Variants in GABRR3 observed in about 807,000 individuals in gnomAD.
GABRR3 encodes the protein gamma-aminobutyric acid receptor subunit rho-3.
GABRR3 carries 29 observed loss-of-function variants against 43.2 expected under a neutral mutation model. The ratio of observed to expected loss-of-function variants is 0.67; its 90% CI spans 0.50 to 0.92. The LOEUF is 0.92. Among genes scored for constraint, GABRR3 ranks in the 40% least tolerant of loss-of-function variants. The pLI is 0.00. For missense variants in GABRR3, 576 were observed against 572.3 expected, an observed-to-expected ratio of 1.01 and a Z score of -0.07; for synonymous variants, 206 against 195.9, an observed-to-expected ratio of 1.05 and a Z score of -0.43.
intron 7 of GABRR3, 65 bp downstream of exon 7, chr3:98,007,699 G>A: frequency 6.4e-7 from 1 of 1,565,810 alleles, no homozygotes; most frequent in Non-Finnish European, 8.8e-7. Context: ...TTCGCATGTT[G>A]TGGTGCTTTG....
chr3:98,003,416 C>CTTT (rs35589224), intron 7 of GABRR3, among the ~76,000 whole-genome samples: 14 of 133,520 alleles, frequency 1.0e-4, no homozygotes, highest in South Asian at 4.8e-4. Flanking sequence ...AACAGTTGTC[C>CTTT]TTTTTTTTTT....
intron 2 of GABRR3, among the ~76,000 whole-genome samples, chr3:98,027,130 G>A (rs1707026940): frequency 6.6e-6 from 1 of 152,096 alleles, no homozygotes; most frequent in African/African-American, 2.4e-5. Context: ...GAGCTAGAAT[G>A]AACTATTTAT....
intron 3 of GABRR3, among the ~76,000 whole-genome samples, chr3:98,020,875 T>C (rs1274845245): frequency 3.0e-4 from 45 of 147,730 alleles, no homozygotes; most frequent in African/African-American, 1.0e-3. Context: ...TTTTTCTTTT[T>C]TTTTTTTTTT....
intron 2 of GABRR3, among the ~76,000 whole-genome samples, chr3:98,028,981 A>G (rs1440294949): frequency 1.3e-5 from 2 of 152,124 alleles, no homozygotes. Context: ...TTCTATACAC[A>G]TACCACTTTA....
intron 9 of GABRR3, among the ~76,000 whole-genome samples, chr3:97,991,208 A>G (rs548500755): frequency 1.1e-3 from 164 of 152,266 alleles, no homozygotes; most frequent in African/African-American, 3.5e-3. Context: ...AAACAAAATA[A>G]AACATGAAGA....
At chr3:98,014,652 T>A (rs547217379) in intron 4 of GABRR3, among the ~76,000 whole-genome samples, 2 of 152,208 alleles carry the variant, frequency 1.3e-5, no homozygotes, top group Middle Eastern at 6.8e-3. Flanking sequence ...AGCTGAAGAG[T>A]TTACAGACTG....
chr3:98,007,044 GCAGA>G (rs1222710693), intron 7 of GABRR3, among the ~76,000 whole-genome samples: 1 of 152,084 alleles, frequency 6.6e-6, no homozygotes, highest in African/African-American at 2.4e-5. Flanking sequence ...GGTGAGCAAG[GCAGA>G]CAGATTCCCC....
intron 2 of GABRR3, among the ~76,000 whole-genome samples, chr3:98,030,388 T>C (rs1707073065): frequency 6.6e-6 from 1 of 152,170 alleles, no homozygotes; most frequent in South Asian, 2.1e-4. Flanking sequence ...TTCAAATTAA[T>C]AATATGGAGT....
At chr3:98,003,632 G>T (rs1706684001) in intron 7 of GABRR3, among the ~76,000 whole-genome samples, 1 of 151,988 alleles carries the variant, frequency 6.6e-6, no homozygotes, top group African/African-American at 2.4e-5. Flanking sequence ...TATTTTTGAT[G>T]TTTGACTGCT....
chr3:97,989,313 T>C (rs1318380791), intron 9 of GABRR3, among the ~76,000 whole-genome samples: 1 of 145,398 alleles, frequency 6.9e-6, no homozygotes, highest in Non-Finnish European at 1.5e-5. Context: ...TGGTAGGTGG[T>C]AAGTGGTGGT....
intron 7 of GABRR3, among the ~76,000 whole-genome samples, chr3:98,003,201 GAGTTTC>G (rs1706675154): frequency 1.3e-5 from 2 of 152,050 alleles, no homozygotes; most frequent in Non-Finnish European, 2.9e-5. Context: ...GTACCACTGA[GAGTTTC>G]AGTGATGGCT....
At chr3:98,001,314 A>T in intron 8 of GABRR3, 1 of 305,900 alleles carries the variant, frequency 3.3e-6, no homozygotes, top group African/African-American at 2.1e-5. Context: ...AAAAAAGAAA[A>T]GAGATAAGCT....
chr3:97,997,257 CAGG>C (rs748497070), intron 8 of GABRR3, among the ~76,000 whole-genome samples: 16,389 of 152,106 alleles, frequency 0.11, 987 homozygotes, highest in East Asian at 0.16. Context: ...CAGAGAAACA[CAGG>C]TGGGGAGGAG....
intron 8 of GABRR3, among the ~76,000 whole-genome samples, chr3:97,994,614 T>C (rs1706512705): frequency 6.6e-6 from 1 of 152,228 alleles, no homozygotes. Context: ...CATGGAATTT[T>C]ATTAAGCATG....
exon 9 of GABRR3, chr3:97,992,995 T>C (rs1428606361): frequency 1.9e-6 from 3 of 1,612,986 alleles, no homozygotes; most frequent in African/African-American, 1.3e-5. Flanking sequence ...ACCTGGGGCA[T>C]GGAGGCGCTC....
chr3:98,019,832 G>C (rs1251560360), intron 3 of GABRR3, among the ~76,000 whole-genome samples: 1 of 152,028 alleles, frequency 6.6e-6, no homozygotes, highest in Admixed American at 6.6e-5. Flanking sequence ...CTAAAGTGCT[G>C]GGATTACAGG....
chr3:98,016,568 A>C (rs1320733971), intron 4 of GABRR3, among the ~76,000 whole-genome samples: 1 of 152,176 alleles, frequency 6.6e-6, no homozygotes, highest in African/African-American at 2.4e-5. Flanking sequence ...ACTGTAACAC[A>C]AACAGACTAA....
rs79547129 is a variant in GABRR3 at position 97,993,220 on chromosome 3, C to T, written c.908-172G>A. On this transcript the variant is annotated intron_variant, in intron 8 of 9. Transcript: ENST00000621172. ...TATATCTTGAGCCTAAACAAACACT[C>T]TCACTGGATTTTTCTGTCTCTTTTT... The T allele has an allele frequency of 8.5e-3, 1,468 of 172,808 alleles. 23 individuals carry two copies. Among genetic ancestry groups the T allele is most frequent in the African/African-American group, 0.033 (1,390 of 41,896 alleles). 10.7% of individuals were successfully genotyped at this position (172,808 alleles called of 1,614,324 possible).
chr3:98,005,428 A>T (rs879218045), intron 7 of GABRR3, among the ~76,000 whole-genome samples: 7 of 151,828 alleles, frequency 4.6e-5, no homozygotes, highest in Non-Finnish European at 1.5e-5. Context: ...CCTAATTCTA[A>T]TTTTTTTTCA....
Sources: allele counts gnomAD v4.1 joint callset (sites outside exome capture counted in the v4.1 genomes callset), GRCh38; gene constraint gnomAD v4.1.1; transcripts MANE v1.5; gene names NCBI Gene and HGNC (gene_info 2026-07-23, HGNC 2026-07-21).